MLIP: variants seen among roughly 807,000 people sequenced by gnomAD.
MLIP encodes muscular LMNA-interacting protein.
In MLIP, 79 loss-of-function variants were observed where a neutral mutation model predicts 84.8. That is an observed-to-expected ratio of 0.93 (90% CI 0.78 to 1.12). The LOEUF (loss-of-function observed/expected upper bound fraction) is 1.12. Ranked by LOEUF, MLIP falls within the 50% of genes most tolerant of loss-of-function variation. The pLI, the probability that MLIP is intolerant of heterozygous loss-of-function variation, is 0.00. For missense variants in MLIP, 1,257 were observed against 1,160.6 expected, an observed-to-expected ratio of 1.08 and a Z score of -1.21; for synonymous variants, 504 against 463.0, an observed-to-expected ratio of 1.09 and a Z score of -1.14.
At chr6:54,156,471 G>A (rs1774040475) in intron 5 of MLIP, among the ~76,000 whole-genome samples, 1 of 152,066 alleles carries the variant, frequency 6.6e-6, no homozygotes, top group South Asian at 2.1e-4. Context: ...AGTTTCCACA[G>A]ACTAATTAAA....
chr6:54,174,045 A>G (rs1776041761), intron 9 of MLIP, among the ~76,000 whole-genome samples: 2 of 151,892 alleles, frequency 1.3e-5, no homozygotes, highest in African/African-American at 4.8e-5. Flanking sequence ...AGTTCCATAC[A>G]TGTTGTAGCA....
intron 1 of MLIP, among the ~76,000 whole-genome samples, chr6:54,074,552 T>A (rs753352241): frequency 4.0e-4 from 61 of 152,234 alleles, no homozygotes; most frequent in Non-Finnish European, 7.2e-4. Context: ...TAAGTGAAAA[T>A]AGCTGAGGTG....
At chr6:54,219,752 A>G (rs897358922) in intron 11 of MLIP, among the ~76,000 whole-genome samples, 2 of 152,174 alleles carry the variant, frequency 1.3e-5, no homozygotes, top group African/African-American at 4.8e-5. Flanking sequence ...TGAATGCTAG[A>G]TAGTTACAAC....
intron 9 of MLIP, among the ~76,000 whole-genome samples, chr6:54,170,276 A>G (rs1775640392): frequency 6.6e-6 from 1 of 151,746 alleles, no homozygotes; most frequent in Non-Finnish European, 1.5e-5. Context: ...TTAGTAAACT[A>G]TTCCATTTAA....
chr6:54,046,562 T>C (rs1328348734), intron 1 of MLIP: 1 of 152,244 alleles, frequency 6.6e-6, no homozygotes. Context: ...TGGTTTTGTA[T>C]TGCACAACTG....
chr6:54,089,369 C>G (rs1275368924), intron 1 of MLIP, among the ~76,000 whole-genome samples: 1 of 152,054 alleles, frequency 6.6e-6, no homozygotes. Context: ...TTTATGCTAA[C>G]TGATTAGTTT....
At chr6:54,167,515 T>G (rs1775316171) in intron 8 of MLIP, among the ~76,000 whole-genome samples, 1 of 151,902 alleles carries the variant, frequency 6.6e-6, no homozygotes, top group Non-Finnish European at 1.5e-5. Flanking sequence ...TTGTTTTCAG[T>G]CTGGTTCTGA....
At chr6:54,230,666 G>T in intron 11 of MLIP, 48 bp from the exon 12 acceptor site, 1 of 1,584,186 alleles carries the variant, frequency 6.3e-7, no homozygotes, top group South Asian at 1.1e-5. Context: ...AAGCGTGCTT[G>T]ACTTTTTTAT....
intron 10 of MLIP, among the ~76,000 whole-genome samples, chr6:54,190,618 A>T (rs1299078984): frequency 3.3e-5 from 5 of 152,110 alleles, no homozygotes; most frequent in Non-Finnish European, 5.9e-5. Context: ...AGAGCTCAAC[A>T]GTGGGGACTA....
intron 4 of MLIP, among the ~76,000 whole-genome samples, chr6:54,145,291 A>G (rs982370182): frequency 2.0e-5 from 3 of 152,184 alleles, no homozygotes; most frequent in Non-Finnish European, 4.4e-5. Flanking sequence ...GCTTAAGAGG[A>G]GGTGTGTTTC....
chr6:54,186,444 T>A (rs1250009035), intron 9 of MLIP, among the ~76,000 whole-genome samples: 15 of 152,164 alleles, frequency 9.9e-5, no homozygotes, highest in Non-Finnish European at 4.4e-5. Context: ...ATAAATGAAG[T>A]GGGACTTCCA....
At chr6:54,108,260 AG>A (rs1264110090), upstream of MLIP, among the ~76,000 whole-genome samples, 9 of 152,182 alleles carry the variant, frequency 5.9e-5, no homozygotes, top group Non-Finnish European at 1.3e-4. Flanking sequence ...GATCATTAAA[AG>A]TTTGTGATTA....
chr6:54,030,070 T>G (rs1424038143), intron 1 of MLIP, among the ~76,000 whole-genome samples: 2 of 152,196 alleles, frequency 1.3e-5, no homozygotes, highest in Non-Finnish European at 2.9e-5. Context: ...GATTGGGGAT[T>G]GTTTTCTTCA....
At chr6:54,187,661 A>T (rs182429333) in intron 9 of MLIP, among the ~76,000 whole-genome samples, 4 of 152,204 alleles carry the variant, frequency 2.6e-5, no homozygotes, top group African/African-American at 9.6e-5. Context: ...ACAAAAATAT[A>T]AAAACGAGTT....
At chr6:54,049,342 T>A (rs985851745) in intron 1 of MLIP, among the ~76,000 whole-genome samples, 1 of 152,178 alleles carries the variant, frequency 6.6e-6, no homozygotes, top group Non-Finnish European at 1.5e-5. Context: ...ATAATCTTTT[T>A]GTAAATGTGA....
chr6:54,090,529 T>G (rs1396388758), intron 1 of MLIP, among the ~76,000 whole-genome samples: 3 of 152,154 alleles, frequency 2.0e-5, no homozygotes, highest in Non-Finnish European at 4.4e-5. Flanking sequence ...TCCTACTGAC[T>G]TCAAGACAGT....
chr6:54,260,663 A>G (rs1279003953), intron 13 of MLIP, among the ~76,000 whole-genome samples: 1 of 152,056 alleles, frequency 6.6e-6, no homozygotes, highest in African/African-American at 2.4e-5. Context: ...AACTTGAGTG[A>G]CAACAAATTC....
At chr6:54,021,763 G>C (rs1322448557) in intron 1 of MLIP, among the ~76,000 whole-genome samples, 1 of 152,164 alleles carries the variant, frequency 6.6e-6, no homozygotes, top group Non-Finnish European at 1.5e-5. Flanking sequence ...CAGAAATAAA[G>C]GAATGATATC....
chr6:54,200,102 C>A (rs1778565283), intron 10 of MLIP, among the ~76,000 whole-genome samples: 1 of 152,110 alleles, frequency 6.6e-6, no homozygotes, highest in Non-Finnish European at 1.5e-5. Context: ...GACTCTGATA[C>A]TGAATGTATC....
Sources: gnomAD v4.1 joint callset for allele counts (sites outside exome capture counted in the v4.1 genomes callset) on GRCh38, gnomAD v4.1.1 for gene constraint, MANE v1.5 for transcripts, NCBI Gene and HGNC (gene_info 2026-07-23, HGNC 2026-07-21) for gene names.